The following CCDC174 variants were observed in gnomAD, a reference collection of about 807,000 sequenced individuals.
CCDC174 encodes coiled-coil domain containing 174, also known as coiled-coil domain-containing protein 174.
Under a neutral mutation model 57.1 loss-of-function variants are expected in CCDC174, and 37 were observed. The ratio of observed to expected loss-of-function variants is 0.65; its 90% CI spans 0.50 to 0.85. CCDC174 has a LOEUF of 0.85. Among genes scored for constraint, CCDC174 ranks in the 40% least tolerant of loss-of-function variants. CCDC174 has a pLI of 0.00. For synonymous variants in CCDC174, 182 were observed against 190.2 expected (o/e 0.96, Z 0.35); for missense variants, 540 against 574.3 (o/e 0.94, Z 0.61).
chr3:14,661,014 A>G (rs1368102219), intron 4 of CCDC174, among the ~76,000 whole-genome samples: 1 of 152,192 alleles, frequency 6.6e-6, no homozygotes. Context: ...CTTGCCTGGA[A>G]TTGGTGTTCA....
At chr3:14,666,401 T>A (rs1269097753) in intron 6 of CCDC174, among the ~76,000 whole-genome samples, 1 of 152,136 alleles carries the variant, frequency 6.6e-6, no homozygotes, top group Admixed American at 6.5e-5. Context: ...GGCAGGCGGA[T>A]CTCCTGAGAT....
chr3:14,661,467 T>C (rs2031132061), intron 4 of CCDC174, 63 bp from the exon 5 acceptor site: 2 of 1,440,968 alleles, frequency 1.4e-6, no homozygotes, highest in Non-Finnish European at 9.5e-7. Context: ...ATGTGACTGC[T>C]TCTTGTCCAT....
At chr3:14,665,197 C>T (rs1439415293) in intron 6 of CCDC174, 74 bp downstream of exon 6, 6 of 994,366 alleles carry the variant, frequency 6.0e-6, no homozygotes, top group Non-Finnish European at 1.6e-6. Flanking sequence ...TGAGGGGAGG[C>T]TGTTTTATAA....
At position 14,659,023 on chromosome 3, in the gene CCDC174, G is replaced by A. The variant is rs530902008; in HGVS notation, c.307+94G>A. The A allele has an allele frequency of 1.8e-5, 22 of 1,189,764 alleles. No homozygotes were observed. The African/African-American group carries it at 3.3e-4, about 18-fold the overall frequency. The allele number at this position is 1,189,764 out of a possible 1,614,324, so 73.7% of individuals were successfully genotyped here. On this transcript the variant is annotated intron_variant, in intron 4 of 10. Coordinates refer to ENST00000383794, the MANE Select transcript of CCDC174 (RefSeq NM_016474.5). Reference sequence around the variant, plus strand: ...GTTAAAATAACTGTAGGAGTAGAGAGAAAATTTAGACGTCAAAATTTTACT... The same window carrying A: ...GTTAAAATAACTGTAGGAGTAGAGAAAAAATTTAGACGTCAAAATTTTACT...
intron 4 of CCDC174, among the ~76,000 whole-genome samples, chr3:14,660,617 G>A (rs1301276674): frequency 2.0e-5 from 3 of 152,228 alleles, no homozygotes; most frequent in Admixed American, 2.0e-4. Context: ...TAGAGACCTG[G>A]TTTTGTCAAA....
rs1016288046 is a variant in CCDC174 at position 14,669,784 on chromosome 3, A to T, written c.953-150A>T. On this transcript the variant is annotated intron_variant, in intron 9 of 10. Transcript: ENST00000383794. ...TTACAAGAATTAAATGACCTGTTGT[A>T]TACAAAAGACTTAATCCACTGCCTG... The T allele has an allele frequency of 3.0e-5, 20 of 671,732 alleles. No homozygotes were observed. The Admixed American group carries it at 4.3e-4, about 14-fold the overall frequency. 41.6% of individuals were successfully genotyped at this position (671,732 alleles called of 1,614,324 possible).
At position 14,661,674 on chromosome 3, in the gene CCDC174, A is replaced by G; in HGVS notation, c.452A>G (p.Glu151Gly). 1 of 1,614,030 alleles carries G rather than the reference A, an allele frequency of 6.2e-7. No homozygotes were observed. Among genetic ancestry groups the G allele is most frequent in the Non-Finnish European group, 8.5e-7 (1 of 1,179,940 alleles). The change falls in exon 5 of 11, where the codon GAG (glutamate) becomes GGG (glycine). Residue 151 changes from glutamate (E) to glycine (G), a missense_variant. Glu to Gly is a moderately conservative substitution (Grantham distance 98). Transcript: ENST00000383794. Reference protein sequence around the residue: ...DDDEENLPEGEIPPPQDPSEE... With the variant: ...DDDEENLPEGGIPPPQDPSEE... Reference sequence around the variant, plus strand: ...GATGAGGAAAACCTTCCTGAGGGAGAGATCCCTCCTCCCCAAGACCCCAGT... The same window carrying G: ...GATGAGGAAAACCTTCCTGAGGGAGGGATCCCTCCTCCCCAAGACCCCAGT...
At chr3:14,664,587 T>C (rs1333675775) in intron 5 of CCDC174, among the ~76,000 whole-genome samples, 1 of 152,200 alleles carries the variant, frequency 6.6e-6, no homozygotes, top group Non-Finnish European at 1.5e-5. Context: ...GGTAGAATTA[T>C]ACCAATTAGA....
intron 4 of CCDC174, among the ~76,000 whole-genome samples, chr3:14,661,152 A>G (rs1412610941): frequency 1.3e-5 from 2 of 152,256 alleles, no homozygotes; most frequent in African/African-American, 4.8e-5. Flanking sequence ...TATAACGCCT[A>G]AAGCAAGAAG....
chr3:14,655,446 TTG>T, intron 2 of CCDC174, 81 bp from the exon 3 acceptor site: 1 of 818,550 alleles, frequency 1.2e-6, no homozygotes, highest in Non-Finnish European at 2.0e-6. Context: ...ATGATCTCCT[TTG>T]TTTTTTTTTT....
rs370693823 is a variant in CCDC174 at position 14,666,622 on chromosome 3, C to CA, written c.582-171dup. On this transcript the variant is annotated intron_variant, in intron 6 of 10. Transcript: ENST00000383794. ...TGGGCGACAGAGCAAGACTAGTCTC[C>CA]AAAAAAAAAAAAGGCGAAGGCTGTT... Among the ~76,000 whole-genome samples, 1,100 of 139,122 alleles carry CA rather than the reference C, an allele frequency of 7.9e-3. 3 individuals are homozygous for CA. The highest frequency in any genetic ancestry group is 0.017 in the African/African-American group (634 of 37,946). 91.3% of individuals were successfully genotyped at this position (139,122 alleles called of 152,430 possible). A position where few individuals can be genotyped will look rare whatever the true frequency, so the allele number is the denominator to read the frequency against.
chr3:14,672,549 C>G lies in CCDC174; in HGVS notation c.*1355C>G, dbSNP rs1323973651. On this transcript the variant is annotated 3_prime_UTR_variant, in exon 11 of 11. Transcript: ENST00000383794. The stretch of plus-strand genomic sequence containing the variant: ...ACATCCTGAATTCTTACAAACTTAC[C>G]TCTAAACTCTGAGGATAAAGTTGCC... The G allele has an allele frequency of 1.3e-5, 2 of 152,218 alleles. No individual in the cohort carries two copies. Among genetic ancestry groups the G allele is most frequent in the Non-Finnish European group, 2.9e-5 (2 of 68,046 alleles). 9.4% of individuals were successfully genotyped at this position (152,218 alleles called of 1,614,324 possible). A position where few individuals can be genotyped will look rare whatever the true frequency, so the allele number is the denominator to read the frequency against.
chr3:14,661,466 C>A, intron 4 of CCDC174, 64 bp from the exon 5 acceptor site: 1 of 1,431,162 alleles, frequency 7.0e-7, no homozygotes, highest in Non-Finnish European at 9.6e-7. Context: ...AATGTGACTG[C>A]TTCTTGTCCA....
At chr3:14,667,124 AT>A (rs2031369014) in intron 7 of CCDC174, 177 bp downstream of exon 7, 1 of 646,622 alleles carries the variant, frequency 1.5e-6, no homozygotes, top group Admixed American at 3.2e-5. Flanking sequence ...ACATTTGGGA[AT>A]ATCTTCCTGA....
chr3:14,666,998 G>A (rs369355501), intron 7 of CCDC174, 51 bp downstream of exon 7: 24 of 1,461,858 alleles, frequency 1.6e-5, no homozygotes, highest in Admixed American at 2.3e-5. Flanking sequence ...ACCTTAAACT[G>A]ATGGCAAACA....
chr3:14,665,449 T>C (rs2031283392), intron 6 of CCDC174, among the ~76,000 whole-genome samples: 1 of 152,186 alleles, frequency 6.6e-6, no homozygotes, highest in Non-Finnish European at 1.5e-5. Flanking sequence ...AATATACACT[T>C]GATTATCCCA....
intron 2 of CCDC174, 56 bp from the exon 3 acceptor site, chr3:14,655,473 T>G: frequency 9.3e-7 from 1 of 1,077,988 alleles, no homozygotes. Context: ...GATGCACAAG[T>G]AGAGATTTTT....
intron 1 of CCDC174, 81 bp from the exon 2 acceptor site, chr3:14,654,345 C>A (rs971900992): frequency 2.7e-6 from 2 of 748,214 alleles, no homozygotes; most frequent in African/African-American, 3.6e-5. Flanking sequence ...TTGAAATATT[C>A]CTTTGGAAAT....
chr3:14,654,279 A>G (rs1302244925), intron 1 of CCDC174, 147 bp from the exon 2 acceptor site: 1 of 613,798 alleles, frequency 1.6e-6, no homozygotes, highest in Admixed American at 3.5e-5. Context: ...CTACATTTAA[A>G]CATTTAGTTA....
Sources: allele counts gnomAD v4.1 joint callset (sites outside exome capture counted in the v4.1 genomes callset), GRCh38; gene constraint gnomAD v4.1.1; transcripts MANE v1.5; gene names NCBI Gene and HGNC (gene_info 2026-07-23, HGNC 2026-07-21).